Variants in SULF1 observed in about 807,000 individuals in gnomAD.
The protein encoded by SULF1 is sulfatase 1.
In SULF1, 46 loss-of-function variants were observed where a neutral mutation model predicts 110.5. That is an observed-to-expected ratio of 0.42 (90% CI 0.33 to 0.53). The LOEUF (loss-of-function observed/expected upper bound fraction) is 0.53. SULF1 is among the 20% of genes least tolerant of loss of function. The pLI is 0.12. For synonymous variants in SULF1, 371 were observed against 387.1 expected, an observed-to-expected ratio of 0.96 and a Z score of 0.49; for missense variants, 941 against 1,094.2, an observed-to-expected ratio of 0.86 and a Z score of 1.98.
intron 19 of SULF1, chr8:69,637,456 C>T: frequency 6.0e-6 from 1 of 167,648 alleles, no homozygotes; most frequent in East Asian, 1.7e-4. Flanking sequence ...TAGTTTTTGT[C>T]TAACACCATT....
intron 15 of SULF1, among the ~76,000 whole-genome samples, chr8:69,625,664 T>C (rs1198975182): frequency 6.6e-6 from 1 of 151,874 alleles, no homozygotes; most frequent in African/African-American, 2.4e-5. Flanking sequence ...GGCTCAGGAG[T>C]GAAGCTACAG....
chr8:69,586,877 G>A (rs1474700200), intron 7 of SULF1, among the ~76,000 whole-genome samples: 1 of 152,182 alleles, frequency 6.6e-6, no homozygotes, highest in East Asian at 1.9e-4. Flanking sequence ...TGGGACAAAA[G>A]TATATTTTGT....
At chr8:69,524,141 GA>G (rs1371030911) in intron 3 of SULF1, among the ~76,000 whole-genome samples, 2 of 140,308 alleles carry the variant, frequency 1.4e-5, no homozygotes, top group Non-Finnish European at 3.0e-5. Context: ...GGACAATAGA[GA>G]GCATGGAGGG....
intron 6 of SULF1, among the ~76,000 whole-genome samples, chr8:69,585,546 C>T (rs1586474625): frequency 6.6e-6 from 1 of 152,008 alleles, no homozygotes; most frequent in Non-Finnish European, 1.5e-5. Flanking sequence ...TCAGAGAGAC[C>T]GAGTCAGCCC....
At chr8:69,587,261 AG>A (rs1000613146) in intron 7 of SULF1, among the ~76,000 whole-genome samples, 13 of 152,316 alleles carry the variant, frequency 8.5e-5, no homozygotes, top group African/African-American at 3.1e-4. Flanking sequence ...CTTCCCTTCC[AG>A]CCATACCCAT....
chr8:69,600,021 G>A (rs182521660), intron 8 of SULF1, among the ~76,000 whole-genome samples: 29 of 152,134 alleles, frequency 1.9e-4, no homozygotes, highest in African/African-American at 6.0e-4. Context: ...TGTATATTGC[G>A]GAAGTAGACT....
At chr8:69,658,406 C>T (rs1387985331) in intron 22 of SULF1, 99 bp from the exon 23 acceptor site, 16 of 854,980 alleles carry the variant, frequency 1.9e-5, no homozygotes, top group Non-Finnish European at 2.8e-5. Flanking sequence ...TGTCATACTT[C>T]TCATTGATTA....
At chr8:69,549,059 C>A (rs1814503781) in intron 3 of SULF1, among the ~76,000 whole-genome samples, 1 of 152,146 alleles carries the variant, frequency 6.6e-6, no homozygotes, top group Non-Finnish European at 1.5e-5. Context: ...GGCAGGTCAG[C>A]AGATGTGCCA....
intron 8 of SULF1, among the ~76,000 whole-genome samples, chr8:69,598,123 A>G (rs994970564): frequency 1.2e-4 from 18 of 150,358 alleles, no homozygotes; most frequent in East Asian, 1.2e-3. Context: ...AAAAAAAAAA[A>G]GGGGGGGACC....
intron 22 of SULF1, among the ~76,000 whole-genome samples, chr8:69,646,860 G>C (rs1337706961): frequency 6.6e-6 from 1 of 150,670 alleles, no homozygotes; most frequent in East Asian, 1.9e-4. Context: ...AGTAAGCCCT[G>C]AATTCATATT....
At chr8:69,556,769 T>C (rs1274422753) in intron 3 of SULF1, among the ~76,000 whole-genome samples, 2 of 152,222 alleles carry the variant, frequency 1.3e-5, no homozygotes, top group African/African-American at 4.8e-5. Context: ...CATCAACTTT[T>C]ATTTTAAGTC....
At chr8:69,635,075 C>T (rs1007205727) in intron 19 of SULF1, among the ~76,000 whole-genome samples, 2 of 152,166 alleles carry the variant, frequency 1.3e-5, no homozygotes, top group Admixed American at 6.5e-5. Context: ...GGATTATAGG[C>T]GTGAGCCACC....
chr8:69,516,080 C>A (rs1208365063), intron 3 of SULF1, among the ~76,000 whole-genome samples: 1 of 152,206 alleles, frequency 6.6e-6, no homozygotes, highest in South Asian at 2.1e-4. Context: ...CTGCCCATTA[C>A]CCAGTTCCAA....
Position 69,600,765 on chromosome 8 carries a change from A to G in SULF1, c.885+12A>G, listed in dbSNP as rs1361102629. The G allele has an allele frequency of 6.2e-7, 1 of 1,609,792 alleles. No individual in the cohort carries two copies. The highest frequency in any genetic ancestry group is 1.3e-5 in the African/African-American group (1 of 74,756). On this transcript the variant is annotated intron_variant, in intron 9 of 22. Coordinates refer to ENST00000402687, the MANE Select transcript of SULF1 (RefSeq NM_001128205.2). ...ATTCTGTGGAGAGGGTAAGCACATG[A>G]ACCTACCTCAGTGATAGTTTTTGGC... is the stretch of plus-strand genomic sequence containing the variant.
intron 3 of SULF1, among the ~76,000 whole-genome samples, chr8:69,519,266 C>T (rs975821107): frequency 6.6e-6 from 1 of 152,192 alleles, no homozygotes; most frequent in African/African-American, 2.4e-5. Context: ...ACTCATTCAT[C>T]TCTGCATTCT....
chr8:69,657,645 G>C (rs138968616), intron 22 of SULF1, among the ~76,000 whole-genome samples: 1 of 152,296 alleles, frequency 6.6e-6, no homozygotes, highest in East Asian at 1.9e-4. Context: ...GAAGATTGTA[G>C]GATTCTCTAT....
At chr8:69,487,067 T>G (rs897807310) in intron 1 of SULF1, among the ~76,000 whole-genome samples, 1 of 152,236 alleles carries the variant, frequency 6.6e-6, no homozygotes, top group Admixed American at 6.5e-5. Context: ...CGTTTCCAGA[T>G]TCTTCTTCAG....
rs1450216754 is a variant in SULF1 at position 69,522,112 on chromosome 8, A to G, written c.-134+20144A>G. The stretch of plus-strand genomic sequence containing the variant: ...GTTGCCCAGGCTGGAGTGCAGTGGA[A>G]TGATCTCAGCTCACTGCAACCTCCA... On this transcript the variant is annotated intron_variant, in intron 3 of 22. Transcript: ENST00000402687. 2.0e-5 allele frequency among the ~76,000 whole-genome samples: 3 copies of G among 151,844 alleles called. No individual in the cohort carries two copies. The East Asian group carries it at 5.8e-4, about 29-fold the overall frequency.
At chr8:69,524,560 C>T (rs1324025333) in intron 3 of SULF1, among the ~76,000 whole-genome samples, 2 of 152,154 alleles carry the variant, frequency 1.3e-5, no homozygotes, top group Admixed American at 6.5e-5. Context: ...ATCCCCTCCA[C>T]CATGCCCCAC....
Sources: allele counts gnomAD v4.1 joint callset (sites outside exome capture counted in the v4.1 genomes callset), GRCh38; gene constraint gnomAD v4.1.1; transcripts MANE v1.5; gene names NCBI Gene and HGNC (gene_info 2026-07-23, HGNC 2026-07-21).